BAIAP2: variants seen among roughly 807,000 people sequenced by gnomAD.
BAIAP2 encodes BAR/IMD domain-containing adapter protein 2.
BAIAP2 carries 18 observed loss-of-function variants against 63.0 expected under a neutral mutation model. That is an observed-to-expected ratio of 0.29 (90% confidence interval 0.20 to 0.42). The LOEUF (loss-of-function observed/expected upper bound fraction) is 0.42. Among genes scored for constraint, BAIAP2 ranks in the 10% least tolerant of loss-of-function variants. The pLI is 1.00. For missense variants in BAIAP2, 610 were observed against 734.3 expected (o/e 0.83, Z 1.96); for synonymous variants, 386 against 307.6 (o/e 1.25, Z -2.67).
chr17:81,089,347 C>A (rs1426736104), intron 6 of BAIAP2, among the ~76,000 whole-genome samples: 1 of 152,216 alleles, frequency 6.6e-6, no homozygotes, highest in African/African-American at 2.4e-5. Flanking sequence ...TCACCTGATT[C>A]GCAGCCACAG....
At chr17:81,081,477 G>C (rs950764727) in intron 3 of BAIAP2, among the ~76,000 whole-genome samples, 1 of 152,178 alleles carries the variant, frequency 6.6e-6, no homozygotes, top group Non-Finnish European at 1.5e-5. Context: ...GCCTGTGCCA[G>C]CCCTAGCTGG....
At chr17:81,092,259 T>C (rs2056899508) in intron 6 of BAIAP2, among the ~76,000 whole-genome samples, 1 of 152,136 alleles carries the variant, frequency 6.6e-6, no homozygotes. Flanking sequence ...CCATGGCACG[T>C]GTGAGGGGCG....
chr17:81,111,200 C>G (rs1455113161), intron 13 of BAIAP2, among the ~76,000 whole-genome samples: 2 of 152,258 alleles, frequency 1.3e-5, no homozygotes, highest in Non-Finnish European at 2.9e-5. Context: ...GCCCGGGGCT[C>G]CTCTCACTGC....
At chr17:81,106,251 T>C (rs2059170139) in intron 11 of BAIAP2, 105 bp downstream of exon 11, 3 of 1,226,356 alleles carry the variant, frequency 2.4e-6, no homozygotes, top group Non-Finnish European at 3.5e-6. Flanking sequence ...TTCCGGCTCC[T>C]TGTCTGCTAC....
intron 1 of BAIAP2, among the ~76,000 whole-genome samples, chr17:81,036,494 A>G (rs530647910): frequency 6.6e-6 from 1 of 152,380 alleles, no homozygotes; most frequent in Non-Finnish European, 1.5e-5. Flanking sequence ...TGGGAGAGCC[A>G]GATGGAGGCT....
intron 3 of BAIAP2, among the ~76,000 whole-genome samples, chr17:81,070,854 G>A (rs982762771): frequency 2.0e-5 from 3 of 152,230 alleles, no homozygotes; most frequent in African/African-American, 2.4e-5. Context: ...TGATCCCAGC[G>A]TGATGGTGCG....
chr17:81,057,985 C>CCA lies in BAIAP2; in HGVS notation c.217+19_217+20insAC. ...AGAACTCGGTGAGACCCCCCCCCCCCCCCCGCCTGGTAGTCGCCTGATGCC... is the reference window on the plus strand; with the variant it reads ...AGAACTCGGTGAGACCCCCCCCCCCCCACCCCGCCTGGTAGTCGCCTGATGCC... On this transcript the variant is annotated intron_variant, in intron 3 of 13. Coordinates refer to ENST00000428708, the MANE Select transcript of BAIAP2 (RefSeq NM_001144888.2). 1 of 1,216,958 alleles carries CCA rather than the reference C, an allele frequency of 8.2e-7. No individual in the cohort carries two copies. The highest frequency in any genetic ancestry group is 1.6e-5 in the South Asian group (1 of 63,828). The allele number at this position is 1,216,958 out of a possible 1,614,324, so 75.4% of individuals were successfully genotyped here.
intron 2 of BAIAP2, among the ~76,000 whole-genome samples, chr17:81,055,617 C>G (rs537413484): frequency 1.6e-4 from 19 of 121,056 alleles, no homozygotes; most frequent in Admixed American, 3.8e-4. Flanking sequence ...CCAGGCCAGA[C>G]TGCAGTGGCG....
intron 6 of BAIAP2, among the ~76,000 whole-genome samples, chr17:81,093,024 A>G (rs1426802042): frequency 6.6e-6 from 1 of 151,080 alleles, no homozygotes; most frequent in East Asian, 2.0e-4. Flanking sequence ...ACGTGTCCAC[A>G]TGCCCCATCC....
At chr17:81,099,100 C>T (rs555411744) in intron 6 of BAIAP2, among the ~76,000 whole-genome samples, 1 of 123,934 alleles carries the variant, frequency 8.1e-6, no homozygotes, top group South Asian at 2.6e-4. Context: ...TGGCCCCTCA[C>T]CTGGGCACAC....
At chr17:81,079,278 C>G (rs4969377) in intron 3 of BAIAP2, among the ~76,000 whole-genome samples, 103,400 of 152,054 alleles carry the variant, frequency 0.68, 35,583 homozygotes, top group Admixed American at 0.73. Context: ...AGGCTGGGCT[C>G]CCTGGTCACA....
At chr17:81,091,535 C>T (rs2056768783) in intron 6 of BAIAP2, among the ~76,000 whole-genome samples, 1 of 152,216 alleles carries the variant, frequency 6.6e-6, no homozygotes, top group Non-Finnish European at 1.5e-5. Flanking sequence ...TAGCTGTCTC[C>T]AGTGTATGCC....
At chr17:81,070,821 GC>G (rs1390221205) in intron 3 of BAIAP2, among the ~76,000 whole-genome samples, 4 of 152,232 alleles carry the variant, frequency 2.6e-5, no homozygotes, top group Admixed American at 2.6e-4. Flanking sequence ...GGTGCCAGAG[GC>G]CCGGGCAGGC....
intron 1 of BAIAP2, among the ~76,000 whole-genome samples, chr17:81,035,725 G>A (rs1209012812): frequency 6.6e-6 from 1 of 151,970 alleles, no homozygotes; most frequent in Non-Finnish European, 1.5e-5. Context: ...CGGGGGCGGC[G>A]GGCCCAGGGG....
At chr17:81,050,209 G>T (rs1028514852) in intron 1 of BAIAP2, among the ~76,000 whole-genome samples, 1 of 152,218 alleles carries the variant, frequency 6.6e-6, no homozygotes, top group Non-Finnish European at 1.5e-5. Context: ...GCCCGGGAAG[G>T]GGAGTCCCCC....
At chr17:81,103,094 C>G (rs918498773) in intron 7 of BAIAP2, among the ~76,000 whole-genome samples, 2 of 152,206 alleles carry the variant, frequency 1.3e-5, no homozygotes, top group Non-Finnish European at 2.9e-5. Flanking sequence ...CTGCCCTCGG[C>G]AGCCAGGCCT....
chr17:81,066,996 A>G (rs1244583854), intron 3 of BAIAP2, among the ~76,000 whole-genome samples: 1 of 152,156 alleles, frequency 6.6e-6, no homozygotes, highest in African/African-American at 2.4e-5. Flanking sequence ...AATTAGATCA[A>G]CCTTACATCC....
rs533357412 is a variant in BAIAP2, at chr17:81,080,991, G to A, written c.218-3841G>A. 1.4e-4 allele frequency among the ~76,000 whole-genome samples: 21 copies of A among 152,346 alleles called. No individual in the cohort carries two copies. The East Asian group carries it at 2.5e-3, about 18-fold the overall frequency. ...CGGCGACCTCGCAAAGGCTGGGTGC[G>A]TGTGGACACTCCGGGGCTGAGGGAG... On this transcript the variant is annotated intron_variant, in intron 3 of 13. Coordinates refer to ENST00000428708, the MANE Select transcript of BAIAP2 (RefSeq NM_001144888.2).
rs546958441 is a variant in BAIAP2 at position 81,117,148 on chromosome 17, C to T, written c.*1309C>T. The T allele has an allele frequency of 1.2e-4, 19 of 152,136 alleles. No homozygotes were observed. The highest frequency in any genetic ancestry group is 4.6e-4 in the African/African-American group (19 of 41,372). 9.4% of individuals were successfully genotyped at this position (152,136 alleles called of 1,614,324 possible). On this transcript the variant is annotated 3_prime_UTR_variant, in exon 14 of 14. Transcript: ENST00000428708. ...CAGTAGGGCCAGAACACCATCCCCT[C>T]CACCGGGGTGTGCCGAGGACAGTGG... is the stretch of plus-strand genomic sequence containing the variant.
Sources: allele counts gnomAD v4.1 joint callset (sites outside exome capture counted in the v4.1 genomes callset), GRCh38; gene constraint gnomAD v4.1.1; transcripts MANE v1.5; gene names NCBI Gene and HGNC (gene_info 2026-07-23, HGNC 2026-07-21).